ZNF469: variants seen among roughly 807,000 people sequenced by gnomAD.
ZNF469 encodes the protein zinc finger protein 469.
A neutral mutation model predicts 1.0 loss-of-function variants in ZNF469; 1 was observed. That is an observed-to-expected ratio of 1.00 (90% CI 0.35 to 4.73). The LOEUF is 4.73. ZNF469 is among the 30% of genes most tolerant of loss of function. The probability of loss-of-function intolerance (pLI) is 0.16; values close to 1 mark genes in which losing one functional copy is unlikely to be tolerated. For missense variants in ZNF469, 6,100 were observed against 5,356.3 expected (o/e 1.14, Z -4.33); for synonymous variants, 2,703 against 2,363.4 (o/e 1.14, Z -4.17).
intron 2 of ZNF469, among the ~76,000 whole-genome samples, chr16:88,425,867 T>C (rs73253653): frequency 0.011 from 1,698 of 152,136 alleles, 40 homozygotes; most frequent in African/African-American, 0.039. Flanking sequence ...ATGACTCTTT[T>C]TGGTGGTGTG....
the ZNF469 span, among the ~76,000 whole-genome samples, chr16:88,137,029 C>T: frequency 2.6e-5 from 4 of 152,336 alleles, no homozygotes; most frequent in South Asian, 6.2e-4. Flanking sequence ...TGTGTGCATA[C>T]AACCATGTGT....
the ZNF469 span, among the ~76,000 whole-genome samples, chr16:88,305,837 CCAGA>C: frequency 3.9e-5 from 6 of 152,234 alleles, no homozygotes; most frequent in African/African-American, 9.6e-5. Flanking sequence ...ATGCACATGC[CCAGA>C]CACAGATGCA....
rs1210792145 is a variant in ZNF469 at position 88,427,556 on chromosome 16, A to C, written c.86A>C (p.His29Pro). The C allele has an allele frequency of 1.3e-6, 2 of 1,535,412 alleles. No individual in the cohort carries two copies. The highest frequency in any genetic ancestry group is 2.0e-5 in the Admixed American group (1 of 50,792). ...CGCCAAGTTGCCAGCAGCCCGGGGC[A>C]CCCCTCCCAGCCGCCACTGGAGGAC... ...QPRQVASSPG[H>P]PSQPPLEDNT... The change falls in exon 3 of 3, where the codon CAC becomes CCC. Residue 29 changes from histidine to proline, a missense_variant. By Grantham distance (77) the His-to-Pro change is moderately conservative. Transcript: ENST00000565624.
chr16:88,436,452 A>T lies in ZNF469; in HGVS notation c.8982A>T (p.Pro2994=). The T allele has an allele frequency of 6.5e-7, 1 of 1,547,674 alleles. No homozygotes were observed. Among genetic ancestry groups the T allele is most frequent in the Non-Finnish European group, 8.7e-7 (1 of 1,146,960 alleles). Residue 2994 remains proline (P), a synonymous_variant, in exon 3 of 3, where the codon CCA becomes CCT. Transcript: ENST00000565624. ...PEAIPELHMV[P]AAWRGLEMPA... is the part of the protein sequence containing the mutation. ...CCATTCCTGAGCTGCACATGGTCCC[A>T]GCGGCTTGGCGAGGCCTGGAGATGC...
the ZNF469 span, among the ~76,000 whole-genome samples, chr16:88,127,536 G>A: frequency 6.6e-6 from 1 of 152,270 alleles, no homozygotes; most frequent in Middle Eastern, 3.4e-3. Flanking sequence ...AAAGATAAGT[G>A]AACAGCATTC....
At chr16:88,127,766 T>G in the ZNF469 span, among the ~76,000 whole-genome samples, 84 of 152,180 alleles carry the variant, frequency 5.5e-4, no homozygotes, top group African/African-American at 2.0e-3. Flanking sequence ...ATGAAGAAGG[T>G]TGGATTTGGT....
At chr16:88,342,821 C>T in the ZNF469 span, among the ~76,000 whole-genome samples, 17 of 152,338 alleles carry the variant, frequency 1.1e-4, no homozygotes, top group South Asian at 2.1e-4. Flanking sequence ...CTGTCAATGA[C>T]GCCAGCATAG....
the ZNF469 span, among the ~76,000 whole-genome samples, chr16:88,293,625 G>T: frequency 1.3e-5 from 2 of 152,184 alleles, no homozygotes; most frequent in African/African-American, 4.8e-5. Flanking sequence ...GTCTGTACTG[G>T]CCATTTCTTC....
In ZNF469 at chr16:88,435,467, C is replaced by T. The variant is rs1421766106; in HGVS notation, c.7997C>T (p.Pro2666Leu). Residue 2666 changes from proline (P) to leucine (L), a missense_variant, in exon 3 of 3, where the codon CCT (proline) becomes CTT (leucine). Physicochemically the swap from Pro to Leu is moderately conservative, Grantham distance 98. Transcript: ENST00000565624. ...ISDGRGSRPS[P>L]AMASYAASPS... ...GATGGGCGCGGCTCCAGACCATCCC[C>T]TGCAATGGCCAGTTACGCAGCCTCT... The T allele has an allele frequency of 1.3e-6, 2 of 1,549,648 alleles. No homozygotes were observed. Among genetic ancestry groups the T allele is most frequent in the East Asian group, 4.9e-5 (2 of 40,924 alleles).
At position 88,431,656 on chromosome 16, in the gene ZNF469, G is replaced by A. The variant is rs1237381458; in HGVS notation, c.4186G>A (p.Glu1396Lys). The A allele has an allele frequency of 1.3e-6, 2 of 1,550,340 alleles. No individual in the cohort carries two copies. Among genetic ancestry groups the A allele is most frequent in the Admixed American group, 2.0e-5 (1 of 50,986 alleles). ...CAAAGACCTGGCTGGCTGTTTCCTGGAAGAACTGCACCCCAAGCCCTCAGC... is the reference window on the plus strand; with the variant it reads ...CAAAGACCTGGCTGGCTGTTTCCTGAAAGAACTGCACCCCAAGCCCTCAGC... ...GPKDLAGCFL[E>K]ELHPKPSARD... The change falls in exon 3 of 3, where the codon GAA becomes AAA. Residue 1396 changes from glutamate to lysine, a missense_variant. Coordinates refer to ENST00000565624, the MANE Select transcript of ZNF469 (RefSeq NM_001367624.2).
chr16:88,114,005 G>A, the ZNF469 span, among the ~76,000 whole-genome samples: 6 of 152,156 alleles, frequency 3.9e-5, no homozygotes, highest in Admixed American at 2.0e-4. Flanking sequence ...CATGATGTCC[G>A]GCGAGCACCA....
At chr16:88,368,543 T>C in the ZNF469 span, among the ~76,000 whole-genome samples, 1 of 152,142 alleles carries the variant, frequency 6.6e-6, no homozygotes, top group Non-Finnish European at 1.5e-5. Flanking sequence ...GAAGGTGGTC[T>C]GGAGAGAGTG....
Position 88,429,374 on chromosome 16 carries a change from TCCACCCAC to T in ZNF469, c.1909_1916del (p.Pro637SerfsTer98). 6.5e-7 allele frequency: 1 copy of T among 1,549,596 alleles called. No homozygotes were observed. Among genetic ancestry groups the T allele is most frequent in the Non-Finnish European group, 8.7e-7 (1 of 1,146,634 alleles). ...GGCCCCCTCGGGCCCTCGGCCTTCT[TCCACCCAC>T]CCACTCACCCCCAGGAGACGGGCAG... On this transcript the variant is annotated frameshift_variant, in exon 3 of 3. Coordinates refer to ENST00000565624, the MANE Select transcript of ZNF469 (RefSeq NM_001367624.2). LOFTEE classifies it low-confidence loss of function (END_TRUNC).
At chr16:88,197,333 G>C in the ZNF469 span, among the ~76,000 whole-genome samples, 2 of 152,220 alleles carry the variant, frequency 1.3e-5, no homozygotes, top group African/African-American at 2.4e-5. Flanking sequence ...TTGGCCACTA[G>C]AGCAGGAGCG....
chr16:88,106,261 C>T, the ZNF469 span, among the ~76,000 whole-genome samples: 3 of 152,222 alleles, frequency 2.0e-5, no homozygotes, highest in African/African-American at 7.2e-5. Flanking sequence ...TCCTCTTCCT[C>T]CATGCCGCTC....
chr16:88,362,693 A>G, the ZNF469 span, among the ~76,000 whole-genome samples: 393 of 152,310 alleles, frequency 2.6e-3, 1 homozygote, highest in African/African-American at 9.0e-3. Context: ...ATATGCCTGA[A>G]TATAGCTTCT....
At chr16:88,293,035 C>A in the ZNF469 span, among the ~76,000 whole-genome samples, 1 of 152,208 alleles carries the variant, frequency 6.6e-6, no homozygotes, top group African/African-American at 2.4e-5. Flanking sequence ...CAGCCAGAAA[C>A]ATAAATTTAC....
the ZNF469 span, among the ~76,000 whole-genome samples, chr16:88,338,156 AGCGCTGCCAATC>A: frequency 8.8e-6 from 1 of 113,952 alleles, no homozygotes. Flanking sequence ...GCAACCCTCC[AGCGCTGCCAATC>A]GCCTGGGGAG....
the ZNF469 span, among the ~76,000 whole-genome samples, chr16:88,313,250 C>T: frequency 6.6e-6 from 1 of 152,182 alleles, no homozygotes; most frequent in African/African-American, 2.4e-5. Context: ...TATGAGAAAG[C>T]TGTTGATATT....
Sources: allele counts gnomAD v4.1 joint callset (sites outside exome capture counted in the v4.1 genomes callset), GRCh38; gene constraint gnomAD v4.1.1; transcripts MANE v1.5; gene names NCBI Gene and HGNC (gene_info 2026-07-23, HGNC 2026-07-21).